GLIS1: variants seen among roughly 807,000 people sequenced by gnomAD.
GLIS1 encodes zinc finger protein GLIS1.
A neutral mutation model predicts 63.8 loss-of-function variants in GLIS1; 24 were observed. The observed-to-expected ratio is 0.38, with a 90% CI of 0.27 to 0.53. The LOEUF (loss-of-function observed/expected upper bound fraction) is 0.53, where lower values mean the gene tolerates loss of function less well. GLIS1 is among the 20% of genes least tolerant of loss of function. GLIS1 has a pLI of 0.85. For synonymous variants in GLIS1, 450 were observed against 482.5 expected, an observed-to-expected ratio of 0.93 and a Z score of 0.88; for missense variants, 1,036 against 1,074.1, an observed-to-expected ratio of 0.96 and a Z score of 0.50.
intron 2 of GLIS1, among the ~76,000 whole-genome samples, chr1:53,677,867 C>T (rs1336426922): frequency 6.6e-6 from 1 of 152,202 alleles, no homozygotes. Flanking sequence ...GTTTGCCTCC[C>T]ATCTCACTGC....
At position 53,738,071 on chromosome 1, in the gene GLIS1, G is replaced by T; in HGVS notation, c.-7C>A. 8.1e-7 allele frequency: 1 copy of T among 1,230,160 alleles called. No homozygotes were observed. Among genetic ancestry groups the T allele is most frequent in the Non-Finnish European group, 1.0e-6 (1 of 986,886 alleles). 76.2% of individuals were successfully genotyped at this position (1,230,160 alleles called of 1,614,324 possible). On this transcript the variant is annotated 5_prime_UTR_variant, in exon 2 of 11. Transcript: ENST00000628545. ...CAGCCACCTCGCAATGCATGGCGCC[G>T]GGGCGGGGCGCACGGCTGGGGGTCG...
At chr1:53,669,606 C>T (rs920649986) in intron 2 of GLIS1, among the ~76,000 whole-genome samples, 10 of 152,310 alleles carry the variant, frequency 6.6e-5, no homozygotes, top group Admixed American at 2.0e-4. Flanking sequence ...GGAGGTCCTT[C>T]GGAGAACAAG....
intron 4 of GLIS1, among the ~76,000 whole-genome samples, chr1:53,530,647 C>T (rs1242367482): frequency 3.3e-5 from 5 of 152,224 alleles, no homozygotes; most frequent in Non-Finnish European, 7.3e-5. Flanking sequence ...CCTAGATCAA[C>T]ATCAGGGGTT....
intron 6 of GLIS1, among the ~76,000 whole-genome samples, chr1:53,522,841 G>A (rs1644423559): frequency 2.0e-5 from 3 of 152,084 alleles, no homozygotes; most frequent in Non-Finnish European, 2.9e-5. Flanking sequence ...TTGAGCCCAG[G>A]AGTTGGAGGC....
At chr1:53,546,629 C>G (rs1270631586) in intron 4 of GLIS1, among the ~76,000 whole-genome samples, 1 of 152,208 alleles carries the variant, frequency 6.6e-6, no homozygotes, top group Non-Finnish European at 1.5e-5. Context: ...GGGACAGGGT[C>G]CATCCAGCAG....
intron 4 of GLIS1, among the ~76,000 whole-genome samples, chr1:53,533,150 T>C (rs879416963): frequency 1.3e-5 from 2 of 152,208 alleles, no homozygotes; most frequent in African/African-American, 4.8e-5. Context: ...AAACATCTAC[T>C]CCTGTTGCTT....
Position 53,632,376 on chromosome 1 carries a change from TGTGA to T in GLIS1, c.260-32102_260-32099del, listed in dbSNP as rs977222974. 5.0e-5 allele frequency among the ~76,000 whole-genome samples: 7 copies of T among 140,864 alleles called. No individual in the cohort carries two copies. The East Asian group carries it at 1.1e-3, about 22-fold the overall frequency. 92.4% of individuals were successfully genotyped at this position (140,864 alleles called of 152,430 possible). Reference sequence around the variant, plus strand: ...GGTGTGTGAATGGGACTGAGGGGTGTGTGAGTGTGACTGAGGGGTGTTTGAGTGT... The same window carrying T: ...GGTGTGTGAATGGGACTGAGGGGTGTGTGTGACTGAGGGGTGTTTGAGTGT... On this transcript the variant is annotated intron_variant, in intron 2 of 10. Transcript: ENST00000628545.
Position 53,571,259 on chromosome 1 carries a change from C to T in GLIS1, c.1320+22849G>A, listed in dbSNP as rs145392927. On this transcript the variant is annotated intron_variant, in intron 4 of 10. Transcript: ENST00000628545. ...CATAGTTACATAACATTTTTGAGGA[C>T]ATAGAACCACAGGACTTCAATATGC... is the stretch of plus-strand genomic sequence containing the variant. 8.7e-3 allele frequency among the ~76,000 whole-genome samples: 1,321 copies of T among 152,306 alleles called. 22 individuals are homozygous for T. Among genetic ancestry groups the T allele is most frequent in the African/African-American group, 0.03 (1,233 of 41,556 alleles).
chr1:53,690,220 G>A (rs563006350), intron 2 of GLIS1, among the ~76,000 whole-genome samples: 3 of 152,328 alleles, frequency 2.0e-5, no homozygotes, highest in Admixed American at 6.5e-5. Context: ...GAGCCTCACC[G>A]CCCAGCAACG....
At chr1:53,643,875 G>C (rs1645814215) in intron 2 of GLIS1, among the ~76,000 whole-genome samples, 2 of 152,200 alleles carry the variant, frequency 1.3e-5, no homozygotes, top group African/African-American at 2.4e-5. Flanking sequence ...AGGGGGTACA[G>C]AGTGTAATCC....
intron 2 of GLIS1, among the ~76,000 whole-genome samples, chr1:53,695,993 G>A (rs751467836): frequency 6.6e-6 from 1 of 152,194 alleles, no homozygotes; most frequent in Non-Finnish European, 1.5e-5. Context: ...AATGCAGGCA[G>A]ACTCGCAGTC....
intron 2 of GLIS1, among the ~76,000 whole-genome samples, chr1:53,709,466 T>C (rs988630135): frequency 3.4e-5 from 5 of 145,858 alleles, no homozygotes; most frequent in African/African-American, 2.5e-5. Flanking sequence ...TGAAGGTGAA[T>C]GGGTTGATGG....
intron 2 of GLIS1, among the ~76,000 whole-genome samples, chr1:53,647,818 A>G (rs1464548349): frequency 1.3e-5 from 2 of 152,188 alleles, no homozygotes; most frequent in African/African-American, 4.8e-5. Context: ...CTAACTAACA[A>G]AGGGCTTGGA....
intron 2 of GLIS1, among the ~76,000 whole-genome samples, chr1:53,625,468 G>A (rs1380919009): frequency 2.0e-5 from 3 of 152,126 alleles, no homozygotes; most frequent in Admixed American, 6.5e-5. Flanking sequence ...TCCATAGCTC[G>A]GCCTTGACAC....
Position 53,506,743 on chromosome 1 carries a change from G to C in GLIS1, c.2264C>G (p.Thr755Arg). Residue 755 changes from threonine to arginine, a missense_variant, in exon 11 of 11, where the codon ACA becomes AGA. Physicochemically the swap from Thr to Arg is moderately conservative, Grantham distance 71. Around this residue, in one of 3 missense-constraint regions of GLIS1, gnomAD observed 400 missense variants for 400.9 expected, o/e 1.00. Transcript: ENST00000628545. ...TTCAGATGGCTGCTGTGGCAGCGCT[G>C]TGGGGCATGAGGCCTCAGCCAGGGC... ...YEALAEASCP[T>R]ALPQQPSEDV... 1 of 1,612,488 alleles carries C rather than the reference G, an allele frequency of 6.2e-7. No individual in the cohort carries two copies. Among genetic ancestry groups the C allele is most frequent in the Non-Finnish European group, 8.5e-7 (1 of 1,179,950 alleles).
intron 2 of GLIS1, among the ~76,000 whole-genome samples, chr1:53,698,377 A>G (rs970704112): frequency 1.3e-5 from 2 of 152,174 alleles, no homozygotes; most frequent in Admixed American, 6.5e-5. Flanking sequence ...CTCTGCTTCT[A>G]CATCCCCTCA....
chr1:53,611,237 G>A (rs901115486), intron 2 of GLIS1, among the ~76,000 whole-genome samples: 19 of 152,062 alleles, frequency 1.2e-4, no homozygotes, highest in Non-Finnish European at 2.5e-4. Flanking sequence ...GGCAACACAC[G>A]CACTATCATG....
intron 3 of GLIS1, among the ~76,000 whole-genome samples, chr1:53,595,915 A>G (rs1473879469): frequency 6.6e-6 from 1 of 152,196 alleles, no homozygotes; most frequent in African/African-American, 2.4e-5. Flanking sequence ...ATGTGACTGC[A>G]TGAAACTGCG....
intron 4 of GLIS1, among the ~76,000 whole-genome samples, chr1:53,536,845 G>A (rs962989223): frequency 1.3e-5 from 2 of 152,128 alleles, no homozygotes; most frequent in Non-Finnish European, 2.9e-5. Flanking sequence ...CCTCCATGCA[G>A]AAAGGAAAAC....
Sources: allele counts gnomAD v4.1 joint callset (sites outside exome capture counted in the v4.1 genomes callset), GRCh38; gene constraint gnomAD v4.1.1; regional missense constraint gnomAD v4.1.1; transcripts MANE v1.5; gene names NCBI Gene and HGNC (gene_info 2026-07-23, HGNC 2026-07-21).